The following SLC8A1 variants were observed in gnomAD, a reference collection of about 807,000 sequenced individuals.
SLC8A1 encodes the protein sodium/calcium exchanger 1.
Under a neutral mutation model 68.3 loss-of-function variants are expected in SLC8A1, and 18 were observed. The observed-to-expected ratio is 0.26, with a 90% CI of 0.18 to 0.39. The LOEUF (loss-of-function observed/expected upper bound fraction) is 0.39. Among genes scored for constraint, SLC8A1 ranks in the 10% least tolerant of loss-of-function variants. SLC8A1 has a pLI of 1.00. For missense variants in SLC8A1, 985 were observed against 1,156.7 expected (o/e 0.85, Z 2.15); for synonymous variants, 475 against 415.5 (o/e 1.14, Z -1.74).
At chr2:40,115,758 G>A in intron 7 of SLC8A1, 129 bp from the exon 11 acceptor site, 2 of 1,233,992 alleles carry the variant, frequency 1.6e-6, no homozygotes, top group Non-Finnish European at 2.2e-6. Flanking sequence ...AAATGGCTTT[G>A]ATGTTCCTCT....
chr2:40,268,746 C>T (rs2065667452), intron 2 of SLC8A1, among the ~76,000 whole-genome samples: 1 of 152,084 alleles, frequency 6.6e-6, no homozygotes, highest in Admixed American at 6.6e-5. Flanking sequence ...GCTCTCCTGG[C>T]TCTCAGTGAG....
chr2:40,111,109 T>C (rs1050616890), exon 8 of SLC8A1: 8 of 152,074 alleles, frequency 5.3e-5, no homozygotes, highest in Non-Finnish European at 7.4e-5. Flanking sequence ...AAATTTTATG[T>C]TTGAAAAGCA....
At chr2:40,313,644 C>A (rs1382357167) in intron 2 of SLC8A1, among the ~76,000 whole-genome samples, 2 of 151,878 alleles carry the variant, frequency 1.3e-5, no homozygotes, top group Non-Finnish European at 2.9e-5. Flanking sequence ...TTCAAGCGAA[C>A]CTCCCACCTC....
At chr2:40,372,550 G>T (rs369353896) in intron 2 of SLC8A1, among the ~76,000 whole-genome samples, 1 of 152,214 alleles carries the variant, frequency 6.6e-6, no homozygotes, top group African/African-American at 2.4e-5. Flanking sequence ...GCCCCATGAA[G>T]GCAAGCAATA....
rs529314979 is a variant in SLC8A1, at chr2:40,134,959, T to G, written c.2437+4442A>C. 5.9e-5 allele frequency among the ~76,000 whole-genome samples: 9 copies of G among 152,120 alleles called. No homozygotes were observed. In the South Asian group the frequency reaches 1.7e-3, roughly 28 times the overall value. On this transcript the variant is annotated intron_variant, in intron 7 of 7. Coordinates refer to ENST00000406785, the Ensembl canonical transcript of SLC8A1. ...TAAGAACTGGTTGACTACTTCACAGTTGGTGATTATGAAAGGACTCTTTAA... is the reference window on the plus strand; with the variant it reads ...TAAGAACTGGTTGACTACTTCACAGGTGGTGATTATGAAAGGACTCTTTAA...
At chr2:40,326,066 A>G (rs964766203) in intron 2 of SLC8A1, among the ~76,000 whole-genome samples, 7 of 152,102 alleles carry the variant, frequency 4.6e-5, no homozygotes, top group Admixed American at 2.0e-4. Flanking sequence ...ACCTTCTATC[A>G]GCAGCTGTGC....
intron 2 of SLC8A1, among the ~76,000 whole-genome samples, chr2:40,212,283 C>CTTTT (rs11369856): frequency 1.6e-4 from 22 of 136,840 alleles, no homozygotes; most frequent in African/African-American, 4.7e-4. Flanking sequence ...GATGCAATAT[C>CTTTT]TTTTTTTTTT....
intron 1 of SLC8A1, among the ~76,000 whole-genome samples, chr2:40,443,172 G>C (rs576162628): frequency 1.3e-5 from 2 of 152,242 alleles, no homozygotes; most frequent in African/African-American, 2.4e-5. Context: ...TTAAAACCTA[G>C]ATGACAGGTT....
At chr2:40,109,049 G>A (rs12619818) in exon 8 of SLC8A1, 65,099 of 152,004 alleles carry the variant, frequency 0.43, 14,138 homozygotes, top group African/African-American at 0.46. Context: ...GTCCCCCAGT[G>A]CATTCTTGGA....
At chr2:40,281,260 G>C (rs986120958) in intron 2 of SLC8A1, among the ~76,000 whole-genome samples, 1 of 152,152 alleles carries the variant, frequency 6.6e-6, no homozygotes, top group South Asian at 2.1e-4. Flanking sequence ...AAAAAAAAAG[G>C]GTTGGGGGGG....
intron 2 of SLC8A1, among the ~76,000 whole-genome samples, chr2:40,192,515 T>C (rs1173131597): frequency 6.6e-6 from 1 of 152,136 alleles, no homozygotes; most frequent in Non-Finnish European, 1.5e-5. Flanking sequence ...ATGGTACAAT[T>C]AAGTTTAACT....
chr2:40,318,576 C>A (rs140694665), intron 2 of SLC8A1, among the ~76,000 whole-genome samples: 134 of 152,166 alleles, frequency 8.8e-4, no homozygotes, highest in African/African-American at 3.1e-3. Context: ...TCAAATCACA[C>A]ACTTAACTCT....
intron 7 of SLC8A1, among the ~76,000 whole-genome samples, chr2:40,130,271 G>T (rs17559972): frequency 0.011 from 1,693 of 152,316 alleles, 15 homozygotes; most frequent in Non-Finnish European, 0.017. Context: ...GGCAGTTATG[G>T]TGCCATTTAT....
At chr2:40,472,211 A>C (rs998196213) in intron 1 of SLC8A1, among the ~76,000 whole-genome samples, 2 of 152,194 alleles carry the variant, frequency 1.3e-5, no homozygotes, top group African/African-American at 4.8e-5. Context: ...TAAAGAAAAA[A>C]ACTTGAATTG....
intron 1 of SLC8A1, among the ~76,000 whole-genome samples, chr2:40,459,661 A>C (rs1378256730): frequency 6.6e-6 from 1 of 152,178 alleles, no homozygotes; most frequent in Non-Finnish European, 1.5e-5. Flanking sequence ...TTATTAGTGC[A>C]CCTGGATGAC....
At chr2:40,345,220 T>C (rs1478593375) in intron 2 of SLC8A1, among the ~76,000 whole-genome samples, 1 of 152,106 alleles carries the variant, frequency 6.6e-6, no homozygotes, top group African/African-American at 2.4e-5. Context: ...AATCAAAGCA[T>C]AGCAAGAAAT....
intron 2 of SLC8A1, among the ~76,000 whole-genome samples, chr2:40,192,442 A>ATACTT (rs1054263257): frequency 2.4e-4 from 37 of 152,104 alleles, no homozygotes; most frequent in African/African-American, 8.2e-4. Flanking sequence ...ACATGAGCAA[A>ATACTT]TACTTTATTA....
intron 6 of SLC8A1, among the ~76,000 whole-genome samples, chr2:40,144,141 C>A (rs2042051282): frequency 6.6e-6 from 1 of 152,084 alleles, no homozygotes; most frequent in Non-Finnish European, 1.5e-5. Flanking sequence ...TGTGAGTATC[C>A]TGATTTCACT....
chr2:40,435,566 A>G (rs117390506), intron 1 of SLC8A1, among the ~76,000 whole-genome samples: 1 of 152,182 alleles, frequency 6.6e-6, no homozygotes, highest in East Asian at 1.9e-4. Context: ...TTTCTCTTAA[A>G]CTCACAAAAC....
Sources: allele counts gnomAD v4.1 joint callset (sites outside exome capture counted in the v4.1 genomes callset), GRCh38; gene constraint gnomAD v4.1.1; transcripts MANE v1.5; gene names NCBI Gene and HGNC (gene_info 2026-07-23, HGNC 2026-07-21).